The following ZNF529 variants were observed in gnomAD, a reference collection of about 807,000 sequenced individuals.
ZNF529 encodes the protein zinc finger protein 529.
Under a neutral mutation model 10.1 loss-of-function variants are expected in ZNF529, and 11 were observed. The observed-to-expected ratio is 1.09, with a 90% confidence interval of 0.69 to 1.81. The LOEUF is 1.81. Ranked by LOEUF, ZNF529 falls within the 40% of genes most tolerant of loss-of-function variation. The pLI is 0.00. For missense variants in ZNF529, 624 were observed against 666.8 expected (o/e 0.94, Z 0.71); for synonymous variants, 204 against 215.7 (o/e 0.95, Z 0.47).
chr19:36,596,151 T>C (rs2036836999), intron 1 of ZNF529, among the ~76,000 whole-genome samples: 1 of 142,360 alleles, frequency 7.0e-6, no homozygotes, highest in African/African-American at 2.6e-5. Flanking sequence ...CTGCAACCTC[T>C]GCCTCCTGGG....
At chr19:36,595,688 G>T (rs774181728) in intron 1 of ZNF529, among the ~76,000 whole-genome samples, 2 of 152,102 alleles carry the variant, frequency 1.3e-5, no homozygotes, top group Non-Finnish European at 2.9e-5. Flanking sequence ...GACAGAGCAA[G>T]ACTCTGTCTC....
intron 1 of ZNF529, among the ~76,000 whole-genome samples, chr19:36,602,595 C>A (rs866366245): frequency 9.9e-5 from 15 of 152,182 alleles, no homozygotes; most frequent in Middle Eastern, 3.4e-3. Flanking sequence ...ATACCATACT[C>A]ACACAGTCTA....
upstream of ZNF529, chr19:36,573,443 G>T: frequency 2.1e-6 from 1 of 470,910 alleles, no homozygotes; most frequent in Non-Finnish European, 4.4e-6. Context: ...GTTTCCGGGT[G>T]CGCAGACCCT....
chr19:36,555,714 G>A (rs1004364868), intron 3 of ZNF529, among the ~76,000 whole-genome samples: 3 of 152,246 alleles, frequency 2.0e-5, no homozygotes, highest in South Asian at 2.1e-4. Flanking sequence ...CCAATGCTGC[G>A]TCTACAATCA....
chr19:36,597,017 G>A (rs1377011746), intron 1 of ZNF529, among the ~76,000 whole-genome samples: 1 of 152,000 alleles, frequency 6.6e-6, no homozygotes, highest in African/African-American at 2.4e-5. Context: ...GGGATTATAG[G>A]CATGCATCAC....
At chr19:36,586,089 T>A (rs2036573532) in intron 2 of ZNF529, among the ~76,000 whole-genome samples, 2 of 152,238 alleles carry the variant, frequency 1.3e-5, no homozygotes, top group African/African-American at 2.4e-5. Context: ...AAACATTATA[T>A]GCTGTTTATT....
intron 3 of ZNF529, 144 bp downstream of exon 3, chr19:36,555,960 G>A (rs2035453314): frequency 2.7e-6 from 2 of 732,220 alleles, no homozygotes; most frequent in South Asian, 1.9e-5. Context: ...AGGCACACAG[G>A]AGGGACACTG....
chr19:36,547,524 T>G lies in ZNF529; in HGVS notation c.1034A>C (p.Lys345Thr). The change falls in exon 5 of 5, where the codon AAG becomes ACG. Residue 345 changes from lysine to threonine, a missense_variant. By Grantham distance (78) the Lys-to-Thr change is moderately conservative. Coordinates refer to ENST00000591340, the MANE Select transcript of ZNF529 (RefSeq NM_020951.5). ...EKPYKCMHCE[K>T]VFRISSQLIE... is the part of the protein sequence containing the mutation. ...GAGCTGTGAACTAATTCTAAAAACC[T>G]TCTCACAGTGCATACATTTGTAGGG... The G allele has an allele frequency of 6.2e-7, 1 of 1,613,322 alleles. No homozygotes were observed. The highest frequency in any genetic ancestry group is 8.5e-7 in the Non-Finnish European group (1 of 1,179,320).
Position 36,547,801 on chromosome 19 carries a change from ACTT to A in ZNF529, c.754_756del (p.Lys252del). 1 of 1,610,004 alleles carries A rather than the reference ACTT, an allele frequency of 6.2e-7. No individual in the cohort carries two copies. The highest frequency in any genetic ancestry group is 8.5e-7 in the Non-Finnish European group (1 of 1,178,536). Reference sequence around the variant, plus strand: ...CTTCTGTATTCCTTACATTTATAGAACTTCTCATTATGAATTTTCTGGTATACA... The same window carrying A: ...CTTCTGTATTCCTTACATTTATAGAACTCATTATGAATTTTCTGGTATACA... On this transcript the variant is annotated inframe_deletion, in exon 5 of 5. Coordinates refer to ENST00000591340, the MANE Select transcript of ZNF529 (RefSeq NM_020951.5).
At chr19:36,601,591 A>C (rs1167807556) in intron 1 of ZNF529, among the ~76,000 whole-genome samples, 1 of 152,090 alleles carries the variant, frequency 6.6e-6, no homozygotes, top group Non-Finnish European at 1.5e-5. Context: ...CCACATAATA[A>C]GGTTTTAAAT....
chr19:36,583,824 A>T (rs1403435783), intron 2 of ZNF529, among the ~76,000 whole-genome samples: 3 of 152,138 alleles, frequency 2.0e-5, no homozygotes, highest in Non-Finnish European at 4.4e-5. Flanking sequence ...TTAAAGATAT[A>T]TCTGAAGAGA....
At chr19:36,603,856 A>G (rs2145301354) in intron 1 of ZNF529, among the ~76,000 whole-genome samples, 1 of 152,328 alleles carries the variant, frequency 6.6e-6, no homozygotes, top group East Asian at 1.9e-4. Flanking sequence ...TGGATCTGCA[A>G]TATTCAACTT....
intron 1 of ZNF529, among the ~76,000 whole-genome samples, chr19:36,598,301 G>C (rs1351959342): frequency 1.3e-5 from 2 of 152,144 alleles, no homozygotes; most frequent in African/African-American, 4.8e-5. Context: ...CTTGAGACCA[G>C]GAGTTCAAGA....
At position 36,567,799 on chromosome 19, in the gene ZNF529, A is replaced by G. The variant is rs12461970; in HGVS notation, c.14+4534T>C. 5.6e-3 allele frequency among the ~76,000 whole-genome samples: 849 copies of G among 152,274 alleles called. 26 individuals are homozygous for G. The highest frequency in any genetic ancestry group is 0.038 in the Admixed American group (577 of 15,302). On this transcript the variant is annotated intron_variant, in intron 2 of 4. Coordinates refer to ENST00000591340, the MANE Select transcript of ZNF529 (RefSeq NM_020951.5). ...CCAAAAGGATAAGCAGCAAAAGAAA[A>G]TTTTGATGAATTAGGATGTATCAAA... is the stretch of plus-strand genomic sequence containing the variant.
chr19:36,578,455 G>A (rs1397810123), intron 2 of ZNF529, among the ~76,000 whole-genome samples: 2 of 148,446 alleles, frequency 1.3e-5, no homozygotes, highest in East Asian at 2.0e-4. Context: ...ATAGGTGCCC[G>A]CCACGATGCC....
intron 2 of ZNF529, among the ~76,000 whole-genome samples, chr19:36,558,348 T>C (rs192677844): frequency 6.6e-6 from 1 of 152,090 alleles, no homozygotes; most frequent in East Asian, 1.9e-4. Context: ...GCAGGATAAA[T>C]GCATAGAGAT....
At chr19:36,589,423 A>G (rs540017477) in intron 2 of ZNF529, among the ~76,000 whole-genome samples, 9 of 152,276 alleles carry the variant, frequency 5.9e-5, no homozygotes, top group Non-Finnish European at 1.2e-4. Flanking sequence ...GGTAGGGGGA[A>G]ATCCCCACAT....
At chr19:36,572,188 C>T (rs2036142750) in intron 2 of ZNF529, 145 bp downstream of exon 2, 1 of 796,348 alleles carries the variant, frequency 1.3e-6, no homozygotes, top group African/African-American at 1.8e-5. Context: ...AATGATTTAC[C>T]TAATGCATAT....
At chr19:36,570,941 T>C (rs2036082705) in intron 2 of ZNF529, among the ~76,000 whole-genome samples, 1 of 152,192 alleles carries the variant, frequency 6.6e-6, no homozygotes, top group African/African-American at 2.4e-5. Context: ...AGCACTGATA[T>C]AATTATTGTT....
Sources: gnomAD v4.1 joint callset for allele counts (sites outside exome capture counted in the v4.1 genomes callset) on GRCh38, gnomAD v4.1.1 for gene constraint, MANE v1.5 for transcripts, NCBI Gene and HGNC (gene_info 2026-07-23, HGNC 2026-07-21) for gene names.